The following ARHGAP24 variants were observed in gnomAD, a reference collection of about 807,000 sequenced individuals.
ARHGAP24 encodes the protein rho GTPase-activating protein 24.
Under a neutral mutation model 76.4 loss-of-function variants are expected in ARHGAP24, and 50 were observed. The observed-to-expected ratio is 0.65, with a 90% CI of 0.52 to 0.83. The LOEUF (loss-of-function observed/expected upper bound fraction) is 0.83. ARHGAP24 is among the 40% of genes least tolerant of loss of function. The pLI is 0.00. For missense variants in ARHGAP24, 930 were observed against 914.2 expected, an observed-to-expected ratio of 1.02 and a Z score of -0.22; for synonymous variants, 345 against 323.3, an observed-to-expected ratio of 1.07 and a Z score of -0.72.
chr4:85,597,515 T>C (rs1265637969), intron 2 of ARHGAP24, among the ~76,000 whole-genome samples: 1 of 152,094 alleles, frequency 6.6e-6, no homozygotes, highest in Non-Finnish European at 1.5e-5. Context: ...CCCCCAAGTC[T>C]GTCTGTGTTT....
intron 3 of ARHGAP24, among the ~76,000 whole-genome samples, chr4:85,763,414 A>G (rs1444650272): frequency 6.6e-6 from 1 of 152,082 alleles, no homozygotes; most frequent in African/African-American, 2.4e-5. Context: ...AAGCCATTAG[A>G]TCCACCCTGG....
intron 1 of ARHGAP24, among the ~76,000 whole-genome samples, chr4:85,541,577 A>T (rs919508216): frequency 6.6e-6 from 1 of 152,154 alleles, no homozygotes; most frequent in African/African-American, 2.4e-5. Flanking sequence ...AAAATAATCC[A>T]TATTATTTCA....
intron 3 of ARHGAP24, among the ~76,000 whole-genome samples, chr4:85,878,765 A>G (rs1733078371): frequency 6.6e-6 from 1 of 152,164 alleles, no homozygotes. Context: ...TCCTCCAGTT[A>G]TGTCCATTAA....
At chr4:85,947,041 G>T (rs1286901905) in intron 5 of ARHGAP24, among the ~76,000 whole-genome samples, 10 of 152,086 alleles carry the variant, frequency 6.6e-5, no homozygotes, top group Admixed American at 3.3e-4. Flanking sequence ...GTGTGAGATG[G>T]TATTTCACTG....
At chr4:85,576,291 A>G (rs773467078) in intron 2 of ARHGAP24, among the ~76,000 whole-genome samples, 7 of 152,254 alleles carry the variant, frequency 4.6e-5, no homozygotes, top group East Asian at 1.9e-4. Context: ...TTAGCCGGGC[A>G]TGGTGGCGGG....
chr4:85,664,780 C>T lies in ARHGAP24; in HGVS notation c.181-57105C>T, dbSNP rs995713675. 3.9e-5 allele frequency among the ~76,000 whole-genome samples: 6 copies of T among 152,004 alleles called. No individual in the cohort carries two copies. In the East Asian group the frequency reaches 9.6e-4, roughly 24 times the overall value. On this transcript the variant is annotated intron_variant, in intron 2 of 9. Transcript: ENST00000395184. ...TTCATTTCGTTATGTACCCAGTAGT[C>T]ATTCAGGAGCAGGTTGTTCAGTTTC...
chr4:85,961,088 A>G (rs748859490), intron 5 of ARHGAP24, among the ~76,000 whole-genome samples: 1 of 152,162 alleles, frequency 6.6e-6, no homozygotes, highest in Non-Finnish European at 1.5e-5. Context: ...AAACACTAAT[A>G]TAAGAAACAT....
chr4:85,662,779 T>C (rs1722450708), intron 2 of ARHGAP24, among the ~76,000 whole-genome samples: 1 of 152,210 alleles, frequency 6.6e-6, no homozygotes. Context: ...CAGGGAATCC[T>C]CTCCCCATTG....
intron 1 of ARHGAP24, among the ~76,000 whole-genome samples, chr4:85,498,004 T>A (rs1261493466): frequency 1.3e-5 from 2 of 152,234 alleles, no homozygotes; most frequent in African/African-American, 4.8e-5. Context: ...GAGGTAATTA[T>A]GGTTGAGTTC....
At chr4:85,937,556 G>C (rs574497567) in intron 4 of ARHGAP24, among the ~76,000 whole-genome samples, 9 of 152,084 alleles carry the variant, frequency 5.9e-5, no homozygotes, top group Non-Finnish European at 1.3e-4. Context: ...AAGTAAAAAC[G>C]GAGCTGAGGA....
chr4:85,973,845 T>G (rs1190932228), intron 6 of ARHGAP24, among the ~76,000 whole-genome samples: 2 of 124,578 alleles, frequency 1.6e-5, no homozygotes, highest in Non-Finnish European at 3.3e-5. Flanking sequence ...TTTTTTTTTT[T>G]TTTTTTTTTT....
At chr4:85,539,424 G>T (rs1229286898) in intron 1 of ARHGAP24, among the ~76,000 whole-genome samples, 1 of 152,050 alleles carries the variant, frequency 6.6e-6, no homozygotes, top group African/African-American at 2.4e-5. Flanking sequence ...ACATTTTAAT[G>T]TGAGTTAAGA....
intron 1 of ARHGAP24, among the ~76,000 whole-genome samples, chr4:85,494,067 G>A (rs1456228688): frequency 6.6e-6 from 1 of 152,108 alleles, no homozygotes; most frequent in Non-Finnish European, 1.5e-5. Flanking sequence ...TACAAATCAA[G>A]GTTGTATTTT....
Position 86,001,212 on chromosome 4 carries a change from A to G in ARHGAP24, c.*490A>G. On this transcript the variant is annotated 3_prime_UTR_variant, in exon 10 of 10. Coordinates refer to ENST00000395184, the MANE Select transcript of ARHGAP24 (RefSeq NM_001025616.3). The stretch of plus-strand genomic sequence containing the variant: ...ATATATAAATATATGAGTTATTAAA[A>G]TCAGAAGAATACTTTGTGGCTGTGC... The G allele has an allele frequency of 2.5e-6, 1 of 398,812 alleles. No homozygotes were observed. The allele number at this position is 398,812 out of a possible 1,614,324, so 24.7% of individuals were successfully genotyped here. A position where few individuals can be genotyped will look rare whatever the true frequency, so the allele number is the denominator to read the frequency against.
At chr4:85,527,549 C>A (rs904459392) in intron 1 of ARHGAP24, among the ~76,000 whole-genome samples, 2 of 152,112 alleles carry the variant, frequency 1.3e-5, no homozygotes, top group African/African-American at 4.8e-5. Flanking sequence ...TTACCAGTCT[C>A]ATTCACTTAG....
At chr4:85,699,684 G>C (rs548902220) in intron 2 of ARHGAP24, among the ~76,000 whole-genome samples, 2 of 151,618 alleles carry the variant, frequency 1.3e-5, no homozygotes, top group Non-Finnish European at 2.9e-5. Flanking sequence ...TCCCCACCCC[G>C]CTATAACTCC....
At chr4:85,894,168 T>A (rs1734007002) in intron 3 of ARHGAP24, among the ~76,000 whole-genome samples, 1 of 151,476 alleles carries the variant, frequency 6.6e-6, no homozygotes, top group African/African-American at 2.4e-5. Flanking sequence ...AAATGGTGAT[T>A]CTTATTTGGG....
intron 3 of ARHGAP24, among the ~76,000 whole-genome samples, chr4:85,852,942 G>A (rs1731322958): frequency 6.6e-6 from 1 of 152,238 alleles, no homozygotes; most frequent in Non-Finnish European, 1.5e-5. Context: ...GGACCCACTT[G>A]AGGAGGCAGT....
At chr4:85,782,465 ATTCACTGATAACACCT>A (rs1017901985) in intron 3 of ARHGAP24, among the ~76,000 whole-genome samples, 2 of 152,252 alleles carry the variant, frequency 1.3e-5, no homozygotes, top group Non-Finnish European at 2.9e-5. Context: ...GCATGTTAGC[ATTCACTGATAACACCT>A]TATAAGGGTG....
Sources: allele counts gnomAD v4.1 joint callset (sites outside exome capture counted in the v4.1 genomes callset), GRCh38; gene constraint gnomAD v4.1.1; transcripts MANE v1.5; gene names NCBI Gene and HGNC (gene_info 2026-07-23, HGNC 2026-07-21).